The following KCNAB1 variants were observed in gnomAD, a reference collection of about 807,000 sequenced individuals.
KCNAB1 encodes the protein potassium voltage-gated channel subfamily A regulatory beta subunit 1.
Under a neutral mutation model 64.6 loss-of-function variants are expected in KCNAB1, and 35 were observed. That is an observed-to-expected ratio of 0.54 (90% CI 0.41 to 0.72). The LOEUF (loss-of-function observed/expected upper bound fraction) is 0.72, where lower values mean the gene tolerates loss of function less well. KCNAB1 is among the 30% of genes least tolerant of loss of function. The pLI is 0.00. For synonymous variants in KCNAB1, 177 were observed against 183.8 expected (o/e 0.96, Z 0.30); for missense variants, 401 against 512.9 (o/e 0.78, Z 2.11).
chr3:156,181,251 G>A (rs562598177), intron 1 of KCNAB1, among the ~76,000 whole-genome samples: 3 of 152,282 alleles, frequency 2.0e-5, no homozygotes, highest in Non-Finnish European at 1.5e-5. Context: ...CATGACAGAT[G>A]GGTAAACTAT....
At chr3:156,381,487 T>C (rs1290468591) in intron 1 of KCNAB1, among the ~76,000 whole-genome samples, 1 of 152,204 alleles carries the variant, frequency 6.6e-6, no homozygotes, top group Non-Finnish European at 1.5e-5. Flanking sequence ...GGCTGGGGTC[T>C]CCTTGCCCAC....
intron 1 of KCNAB1, among the ~76,000 whole-genome samples, chr3:156,278,028 C>G (rs2108499885): frequency 6.6e-6 from 1 of 152,256 alleles, no homozygotes; most frequent in South Asian, 2.1e-4. Context: ...TTTCTGTGAT[C>G]TGACAAATTT....
At chr3:156,335,700 T>C (rs1723650778) in intron 1 of KCNAB1, among the ~76,000 whole-genome samples, 1 of 152,206 alleles carries the variant, frequency 6.6e-6, no homozygotes, top group African/African-American at 2.4e-5. Context: ...TTCATTTTTC[T>C]TTTCCTTGTC....
intron 7 of KCNAB1, among the ~76,000 whole-genome samples, chr3:156,468,612 A>AAATTAT (rs1235877228): frequency 6.6e-6 from 1 of 152,136 alleles, no homozygotes; most frequent in African/African-American, 2.4e-5. Context: ...ATGGGGATAA[A>AAATTAT]AATTATATAA....
intron 1 of KCNAB1, among the ~76,000 whole-genome samples, chr3:156,184,766 A>G (rs1462908305): frequency 6.6e-6 from 1 of 152,154 alleles, no homozygotes; most frequent in Non-Finnish European, 1.5e-5. Context: ...GTCAGTTCTA[A>G]GCAAAACTGG....
At chr3:156,431,882 A>C (rs980027632) in intron 2 of KCNAB1, among the ~76,000 whole-genome samples, 2 of 152,206 alleles carry the variant, frequency 1.3e-5, no homozygotes, top group African/African-American at 4.8e-5. Context: ...GGACTGCAGA[A>C]GCTTCATGCC....
intron 1 of KCNAB1, among the ~76,000 whole-genome samples, chr3:156,274,188 A>G (rs1719198532): frequency 6.7e-6 from 1 of 149,886 alleles, no homozygotes; most frequent in African/African-American, 2.4e-5. Flanking sequence ...CCTCAACTAC[A>G]CACATGAACA....
At chr3:156,529,414 AT>A (rs1215216215) in intron 12 of KCNAB1, among the ~76,000 whole-genome samples, 1 of 152,128 alleles carries the variant, frequency 6.6e-6, no homozygotes, top group Non-Finnish European at 1.5e-5. Flanking sequence ...TGGTTGGTAA[AT>A]TTATAAAAAT....
At chr3:156,122,910 T>C (rs1006236694) in intron 1 of KCNAB1, among the ~76,000 whole-genome samples, 3 of 152,234 alleles carry the variant, frequency 2.0e-5, no homozygotes, top group Non-Finnish European at 4.4e-5. Context: ...TCTCAAATGT[T>C]GGAACTACAT....
chr3:156,372,450 A>G (rs946873381), intron 1 of KCNAB1, among the ~76,000 whole-genome samples: 1 of 152,254 alleles, frequency 6.6e-6, no homozygotes, highest in African/African-American at 2.4e-5. Flanking sequence ...TTGTTAAGAC[A>G]GATTGCTGGG....
intron 1 of KCNAB1, among the ~76,000 whole-genome samples, chr3:156,419,683 C>T (rs1256387570): frequency 6.6e-6 from 1 of 152,100 alleles, no homozygotes; most frequent in African/African-American, 2.4e-5. Context: ...CAAAGTTATG[C>T]AAATATAAGC....
chr3:156,310,477 G>C (rs116039106), intron 1 of KCNAB1, among the ~76,000 whole-genome samples: 1 of 152,088 alleles, frequency 6.6e-6, no homozygotes, highest in Non-Finnish European at 1.5e-5. Context: ...GGTGGGACAG[G>C]GTAGGTATGC....
chr3:156,464,575 A>G (rs902830287), intron 6 of KCNAB1, among the ~76,000 whole-genome samples: 1 of 152,006 alleles, frequency 6.6e-6, no homozygotes, highest in African/African-American at 2.4e-5. Context: ...TTGATAGGGA[A>G]TTTTTTTTAA....
chr3:156,362,473 C>T (rs1725676059), intron 1 of KCNAB1, among the ~76,000 whole-genome samples: 1 of 152,104 alleles, frequency 6.6e-6, no homozygotes, highest in Non-Finnish European at 1.5e-5. Flanking sequence ...AGACAAATTG[C>T]CTGGGTTTTA....
chr3:156,469,531 A>T (rs1485923378), intron 7 of KCNAB1, among the ~76,000 whole-genome samples: 2 of 151,910 alleles, frequency 1.3e-5, no homozygotes, highest in African/African-American at 4.8e-5. Flanking sequence ...TTCAAGCCTC[A>T]TATGACATAA....
At chr3:156,233,036 C>T (rs1354134898) in intron 1 of KCNAB1, among the ~76,000 whole-genome samples, 2 of 152,082 alleles carry the variant, frequency 1.3e-5, no homozygotes, top group Non-Finnish European at 2.9e-5. Flanking sequence ...AGTATGAAAT[C>T]TCAAGGTCCA....
At chr3:156,357,457 C>G (rs1043679080) in intron 1 of KCNAB1, among the ~76,000 whole-genome samples, 1 of 152,130 alleles carries the variant, frequency 6.6e-6, no homozygotes, top group Admixed American at 6.5e-5. Context: ...GACTGCATGA[C>G]ATGTACTACA....
intron 1 of KCNAB1, among the ~76,000 whole-genome samples, chr3:156,397,532 AT>A (rs1346069986): frequency 6.6e-6 from 1 of 152,176 alleles, no homozygotes; most frequent in Non-Finnish European, 1.5e-5. Flanking sequence ...CCTTTCTCCT[AT>A]GCTATGTGAC....
intron 11 of KCNAB1, among the ~76,000 whole-genome samples, chr3:156,522,303 G>C (rs1218175404): frequency 6.6e-6 from 1 of 151,992 alleles, no homozygotes; most frequent in African/African-American, 2.4e-5. Flanking sequence ...AGTGAGGATT[G>C]GTGATGTTTT....
Sources: gnomAD v4.1 joint callset for allele counts (sites outside exome capture counted in the v4.1 genomes callset) on GRCh38, gnomAD v4.1.1 for gene constraint, MANE v1.5 for transcripts, NCBI Gene and HGNC (gene_info 2026-07-23, HGNC 2026-07-21) for gene names.